C1GALT1: variants seen among roughly 807,000 people sequenced by gnomAD.
The protein encoded by C1GALT1 is core 1 synthase, glycoprotein-N-acetylgalactosamine 3-beta-galactosyltransferase 1, also known as glycoprotein-N-acetylgalactosamine 3-beta-galactosyltransferase 1.
Under a neutral mutation model 31.0 loss-of-function variants are expected in C1GALT1, and 11 were observed. The ratio of observed to expected loss-of-function variants is 0.36; its 90% CI spans 0.22 to 0.59. C1GALT1 has a LOEUF of 0.59. Ranked by LOEUF, C1GALT1 falls within the 20% of genes least tolerant of loss-of-function variation. The pLI, the probability that C1GALT1 is intolerant of heterozygous loss-of-function variation, is 0.79. For missense variants in C1GALT1, 424 were observed against 425.2 expected (o/e 1.00, Z 0.03); for synonymous variants, 175 against 143.6 (o/e 1.22, Z -1.56).
intron 1 of C1GALT1, among the ~76,000 whole-genome samples, chr7:7,204,699 C>G (rs188414567): frequency 6.6e-6 from 1 of 152,126 alleles, no homozygotes; most frequent in Non-Finnish European, 1.5e-5. Flanking sequence ...CTATAAATGT[C>G]TTCCTTAGCA....
intron 2 of C1GALT1, among the ~76,000 whole-genome samples, chr7:7,164,013 A>G (rs1780366532): frequency 6.6e-6 from 1 of 152,190 alleles, no homozygotes; most frequent in African/African-American, 2.4e-5. Context: ...CGCCAAGTCA[A>G]TCCTAAGCCA....
upstream of C1GALT1, chr7:7,182,468 T>C (rs969720151): frequency 6.6e-6 from 1 of 152,178 alleles, no homozygotes; most frequent in Non-Finnish European, 1.5e-5. Context: ...CTTCCTCACG[T>C]CGCCGTATCC....
chr7:7,234,349 A>G lies in C1GALT1; in HGVS notation c.30A>G (p.Leu10=). MASKSWLNF[L]TFLCGSAIGF... The stretch of plus-strand genomic sequence containing the variant: ...CCTCTAAATCCTGGCTGAATTTTTT[A>G]ACCTTCCTCTGTGGATCAGCAATAG... The change falls in exon 2 of 4, where the codon TTA becomes TTG. Residue 10 remains leucine, a synonymous_variant. Coordinates refer to ENST00000436587, the MANE Select transcript of C1GALT1 (RefSeq NM_020156.5). The G allele has an allele frequency of 2.5e-6, 4 of 1,613,742 alleles. No homozygotes were observed. The highest frequency in any genetic ancestry group is 3.4e-6 in the Non-Finnish European group (4 of 1,179,902).
upstream of C1GALT1, among the ~76,000 whole-genome samples, chr7:7,181,650 G>T (rs1316449838): frequency 1.3e-5 from 2 of 152,140 alleles, no homozygotes; most frequent in African/African-American, 4.8e-5. Flanking sequence ...TAGGTGGAGG[G>T]ACCAAGATGC....
Position 7,228,515 on chromosome 7 carries a change from A to G in C1GALT1, c.-17-5788A>G, listed in dbSNP as rs141913347. On this transcript the variant is annotated intron_variant, in intron 1 of 3. Coordinates refer to ENST00000436587, the MANE Select transcript of C1GALT1 (RefSeq NM_020156.5). ...TCTTTTTCCAGTCTAGTCTACCTCA[A>G]CACTCTTGTGGACATGATTTTTGCC... Among the ~76,000 whole-genome samples the G allele has an allele frequency of 2.0e-3, 297 of 152,232 alleles. 7 individuals are homozygous for G. In the East Asian group the frequency reaches 0.055, roughly 28 times the overall value.
At chr7:7,173,273 C>T (rs1780473242) in intron 2 of C1GALT1, among the ~76,000 whole-genome samples, 1 of 151,976 alleles carries the variant, frequency 6.6e-6, no homozygotes, top group African/African-American at 2.4e-5. Context: ...CTTGTTCCTG[C>T]TCTGGCCATG....
At chr7:7,214,627 C>T (rs1782147762) in intron 1 of C1GALT1, among the ~76,000 whole-genome samples, 1 of 152,152 alleles carries the variant, frequency 6.6e-6, no homozygotes, top group African/African-American at 2.4e-5. Context: ...CAGGTAATGA[C>T]TCAACTGAGG....
At chr7:7,209,683 TG>T (rs1781903654) in intron 1 of C1GALT1, 1 of 152,208 alleles carries the variant, frequency 6.6e-6, no homozygotes, top group South Asian at 2.1e-4. Context: ...GTTTTCAGTG[TG>T]ATAAAGCAGT....
intron 2 of C1GALT1, among the ~76,000 whole-genome samples, chr7:7,169,206 GAAT>G (rs1233242406): frequency 6.6e-6 from 1 of 152,120 alleles, no homozygotes; most frequent in Non-Finnish European, 1.5e-5. Flanking sequence ...TTTCATGGCT[GAAT>G]AATATCCCAC....
chr7:7,216,118 T>G (rs1782228366), intron 1 of C1GALT1, among the ~76,000 whole-genome samples: 1 of 152,158 alleles, frequency 6.6e-6, no homozygotes, highest in Non-Finnish European at 1.5e-5. Flanking sequence ...TGAGTTGCTT[T>G]CTTTAAAGTT....
At chr7:7,224,992 T>TGTC (rs966323005) in intron 1 of C1GALT1, among the ~76,000 whole-genome samples, 1 of 152,010 alleles carries the variant, frequency 6.6e-6, no homozygotes, top group African/African-American at 2.4e-5. Context: ...TAGTTTCTGG[T>TGTC]GTCTGTTATT....
At chr7:7,223,901 T>C (rs1348330351) in intron 1 of C1GALT1, among the ~76,000 whole-genome samples, 1 of 152,176 alleles carries the variant, frequency 6.6e-6, no homozygotes, top group Non-Finnish European at 1.5e-5. Context: ...TAGCTGTTAG[T>C]TTTTGATACT....
chr7:7,217,557 A>G (rs951959004), intron 1 of C1GALT1, among the ~76,000 whole-genome samples: 29 of 152,196 alleles, frequency 1.9e-4, no homozygotes, highest in Admixed American at 1.7e-3. Flanking sequence ...GGATTATTTC[A>G]TTTTTATTCC....
intron 1 of C1GALT1, among the ~76,000 whole-genome samples, chr7:7,233,656 G>T (rs1783195846): frequency 6.6e-6 from 1 of 152,152 alleles, no homozygotes; most frequent in South Asian, 2.1e-4. Context: ...CTGTTTTAGG[G>T]CAAAAGTAGC....
chr7:7,185,734 A>G lies in C1GALT1; in HGVS notation c.-18+2914A>G, dbSNP rs543230909. On this transcript the variant is annotated intron_variant, in intron 1 of 3. Coordinates refer to ENST00000436587, the MANE Select transcript of C1GALT1 (RefSeq NM_020156.5). ...ACTTGATTACATCTGCAAAGACCCT[A>G]TTTTGAAATAAGGTCACGTGCAGAG... 3.3e-5 allele frequency among the ~76,000 whole-genome samples: 5 copies of G among 152,306 alleles called. No homozygotes were observed. In the South Asian group the frequency reaches 8.3e-4, roughly 25 times the overall value.
chr7:7,204,080 G>GTGTTCCCT (rs1781629515), intron 1 of C1GALT1, among the ~76,000 whole-genome samples: 1 of 147,588 alleles, frequency 6.8e-6, no homozygotes, highest in Non-Finnish European at 1.5e-5. Flanking sequence ...AAGTCAGGAA[G>GTGTTCCCT]TGTTCCCTCC....
chr7:7,192,642 T>G (rs1453779149), intron 1 of C1GALT1, among the ~76,000 whole-genome samples: 1 of 152,150 alleles, frequency 6.6e-6, no homozygotes, highest in Non-Finnish European at 1.5e-5. Context: ...TTTCGTATAA[T>G]GACTTCTTTT....
chr7:7,226,603 A>C (rs1175447314), intron 1 of C1GALT1, among the ~76,000 whole-genome samples: 2 of 152,198 alleles, frequency 1.3e-5, no homozygotes, highest in East Asian at 3.8e-4. Flanking sequence ...ATATTTACAA[A>C]GTTCTTAGGG....
chr7:7,199,594 G>T, intron 1 of C1GALT1, among the ~76,000 whole-genome samples: 1 of 144,154 alleles, frequency 6.9e-6, no homozygotes, highest in East Asian at 2.3e-4. Flanking sequence ...GGATATCCTT[G>T]TTACAACTTT....
Sources: allele counts gnomAD v4.1 joint callset (sites outside exome capture counted in the v4.1 genomes callset), GRCh38; gene constraint gnomAD v4.1.1; transcripts MANE v1.5; gene names NCBI Gene and HGNC (gene_info 2026-07-23, HGNC 2026-07-21).